The following TRPS1 variants were observed in gnomAD, a reference collection of about 807,000 sequenced individuals.
TRPS1 encodes zinc finger transcription factor Trps1.
TRPS1 carries 6 observed loss-of-function variants against 101.2 expected under a neutral mutation model. The ratio of observed to expected loss-of-function variants is 0.06; its 90% CI spans 0.03 to 0.12. The LOEUF (loss-of-function observed/expected upper bound fraction) is 0.12, where lower values mean the gene tolerates loss of function less well. TRPS1 is among the 10% of genes least tolerant of loss of function. The pLI is 1.00. For synonymous variants in TRPS1, 578 were observed against 589.8 expected, an observed-to-expected ratio of 0.98 and a Z score of 0.29; for missense variants, 1,363 against 1,567.0, an observed-to-expected ratio of 0.87 and a Z score of 2.20.
chr8:115,585,763 G>A (rs1817548600), intron 5 of TRPS1, among the ~76,000 whole-genome samples: 3 of 152,140 alleles, frequency 2.0e-5, no homozygotes, highest in Admixed American at 2.0e-4. Context: ...CTTCCCTGCA[G>A]GAAGGATTCT....
chr8:115,536,255 T>C (rs1383873058), intron 5 of TRPS1, among the ~76,000 whole-genome samples: 2 of 152,144 alleles, frequency 1.3e-5, no homozygotes, highest in Non-Finnish European at 2.9e-5. Context: ...GTGCGGTGGC[T>C]CACCCCTGTA....
chr8:115,618,995 G>C, intron 3 of TRPS1, 137 bp downstream of exon 3: 1 of 838,084 alleles, frequency 1.2e-6, no homozygotes, highest in Non-Finnish European at 1.9e-6. Context: ...AGTAGCTATG[G>C]AGTGTGTCCA....
chr8:115,658,753 T>C (rs988130218), intron 1 of TRPS1, among the ~76,000 whole-genome samples: 1 of 152,250 alleles, frequency 6.6e-6, no homozygotes, highest in East Asian at 1.9e-4. Flanking sequence ...CATGTAACAC[T>C]AAATACAAAT....
chr8:115,580,582 C>A (rs1166270825), intron 5 of TRPS1, among the ~76,000 whole-genome samples: 1 of 151,930 alleles, frequency 6.6e-6, no homozygotes, highest in Non-Finnish European at 1.5e-5. Flanking sequence ...AAAAGAGAAG[C>A]CAAGCAAAAG....
intron 5 of TRPS1, among the ~76,000 whole-genome samples, chr8:115,419,259 C>T (rs943588947): frequency 2.0e-5 from 3 of 151,766 alleles, no homozygotes; most frequent in Non-Finnish European, 4.4e-5. Flanking sequence ...ATTAGTATTG[C>T]TTGTTCCATT....
intron 5 of TRPS1, among the ~76,000 whole-genome samples, chr8:115,554,366 C>T (rs771838518): frequency 1.3e-5 from 2 of 152,128 alleles, no homozygotes; most frequent in Non-Finnish European, 2.9e-5. Context: ...CTACCTAGGG[C>T]CCCACCTCAT....
At chr8:115,494,349 A>G (rs1815099287) in intron 5 of TRPS1, among the ~76,000 whole-genome samples, 1 of 152,244 alleles carries the variant, frequency 6.6e-6, no homozygotes, top group African/African-American at 2.4e-5. Flanking sequence ...ATTCATTAAA[A>G]ATAGTATTAT....
At chr8:115,487,916 G>A (rs907804900) in intron 5 of TRPS1, among the ~76,000 whole-genome samples, 8 of 152,162 alleles carry the variant, frequency 5.3e-5, no homozygotes, top group African/African-American at 1.7e-4. Flanking sequence ...GGTTTGAGAG[G>A]GTTGACTCCA....
chr8:115,592,309 G>C (rs537711817), intron 4 of TRPS1, among the ~76,000 whole-genome samples: 1 of 152,226 alleles, frequency 6.6e-6, no homozygotes, highest in East Asian at 1.9e-4. Flanking sequence ...TGTATTACTA[G>C]CTACATCATG....
intron 5 of TRPS1, among the ~76,000 whole-genome samples, chr8:115,513,266 C>A (rs115490132): frequency 5.7e-4 from 87 of 151,784 alleles, no homozygotes; most frequent in African/African-American, 2.0e-3. Context: ...CAAACTGCAG[C>A]AGAAGGGAGA....
chr8:115,657,575 A>G (rs541588568), intron 1 of TRPS1, among the ~76,000 whole-genome samples: 1 of 152,140 alleles, frequency 6.6e-6, no homozygotes, highest in Non-Finnish European at 1.5e-5. Context: ...GATGGTGAGA[A>G]TCTTTCAAGT....
At position 115,558,446 on chromosome 8, in the gene TRPS1, T is replaced by G. The variant is rs549460310; in HGVS notation, c.2700+28555A>C. ...TTCTACCTCCCCTAGATAAAGAGGC[T>G]GAGCCACTAAGGCATCCAGGCACTG... is the stretch of plus-strand genomic sequence containing the variant. On this transcript the variant is annotated intron_variant, in intron 5 of 6. Coordinates refer to ENST00000395715, the MANE Select transcript of TRPS1 (RefSeq NM_014112.5). Among the ~76,000 whole-genome samples the G allele has an allele frequency of 3.9e-5, 6 of 152,316 alleles. No individual in the cohort carries two copies. In the South Asian group the frequency reaches 1.0e-3, roughly 26 times the overall value.
At chr8:115,589,097 A>G (rs1817628407) in intron 4 of TRPS1, among the ~76,000 whole-genome samples, 1 of 152,204 alleles carries the variant, frequency 6.6e-6, no homozygotes, top group Non-Finnish European at 1.5e-5. Context: ...TTGGAGGATG[A>G]GGAAGGGGAA....
chr8:115,534,564 A>C (rs1022583425), intron 5 of TRPS1, among the ~76,000 whole-genome samples: 12 of 152,386 alleles, frequency 7.9e-5, no homozygotes, highest in Admixed American at 7.8e-4. Flanking sequence ...ACATTCAGTC[A>C]TAACACATGG....
intron 5 of TRPS1, among the ~76,000 whole-genome samples, chr8:115,440,589 T>C (rs1322724593): frequency 6.6e-6 from 1 of 152,240 alleles, no homozygotes; most frequent in Non-Finnish European, 1.5e-5. Context: ...TATAGATGTT[T>C]ACATTTCTAT....
intron 1 of TRPS1, among the ~76,000 whole-genome samples, chr8:115,632,473 C>G (rs749777788): frequency 6.6e-6 from 1 of 151,948 alleles, no homozygotes; most frequent in Non-Finnish European, 1.5e-5. Context: ...TTAAAATGCG[C>G]GTACACACAC....
At chr8:115,648,351 G>GGAAC (rs1465630841) in intron 1 of TRPS1, among the ~76,000 whole-genome samples, 2 of 152,158 alleles carry the variant, frequency 1.3e-5, no homozygotes, top group African/African-American at 4.8e-5. Context: ...GTAACCGGAG[G>GGAAC]GAACGGGCGC....
chr8:115,555,022 G>C (rs1183580869), intron 5 of TRPS1, among the ~76,000 whole-genome samples: 2 of 152,146 alleles, frequency 1.3e-5, no homozygotes, highest in Non-Finnish European at 2.9e-5. Context: ...CTACTTCCTA[G>C]TTACTGATAC....
rs1401985193 is a variant in TRPS1, at chr8:115,607,912, T to TGGTG, written c.967-2914_967-2911dup. Among the ~76,000 whole-genome samples the TGGTG allele has an allele frequency of 1.5e-4, 23 of 152,282 alleles. No homozygotes were observed. The South Asian group carries it at 3.5e-3, about 23-fold the overall frequency. ...AATTTATTATTTTAGGAGACACTACTGGTGTCTATTGACCATACTCATTTT... is the reference window on the plus strand; with the variant it reads ...AATTTATTATTTTAGGAGACACTACTGGTGGGTGTCTATTGACCATACTCATTTT... On this transcript the variant is annotated intron_variant, in intron 3 of 6. Transcript: ENST00000395715.
Sources: gnomAD v4.1 joint callset for allele counts (sites outside exome capture counted in the v4.1 genomes callset) on GRCh38, gnomAD v4.1.1 for gene constraint, MANE v1.5 for transcripts, NCBI Gene and HGNC (gene_info 2026-07-23, HGNC 2026-07-21) for gene names.